The following SHANK2 variants were observed in gnomAD, a reference collection of about 807,000 sequenced individuals.
SHANK2 encodes SH3 and multiple ankyrin repeat domains protein 2.
SHANK2 carries 43 observed loss-of-function variants against 133.7 expected under a neutral mutation model. The ratio of observed to expected loss-of-function variants is 0.32; its 90% CI spans 0.25 to 0.41. The LOEUF (loss-of-function observed/expected upper bound fraction) is 0.41. Ranked by LOEUF, SHANK2 falls within the 10% of genes least tolerant of loss-of-function variation. SHANK2 has a pLI of 1.00. For synonymous variants in SHANK2, 1,017 were observed against 952.8 expected, an observed-to-expected ratio of 1.07 and a Z score of -1.24; for missense variants, 1,994 against 2,235.8, an observed-to-expected ratio of 0.89 and a Z score of 2.18.
chr11:70,853,484 C>T (rs546270737), intron 11 of SHANK2, among the ~76,000 whole-genome samples: 11 of 152,220 alleles, frequency 7.2e-5, no homozygotes, highest in African/African-American at 1.4e-4. Context: ...CAGCCTTAAG[C>T]GTCTTTCTCA....
At chr11:70,922,821 C>T (rs529615251) in intron 10 of SHANK2, among the ~76,000 whole-genome samples, 7 of 152,190 alleles carry the variant, frequency 4.6e-5, no homozygotes, top group South Asian at 2.1e-4. Flanking sequence ...AGTTTCTAAA[C>T]GTGTTACCAC....
At chr11:70,834,977 G>T (rs1318304836) in intron 11 of SHANK2, among the ~76,000 whole-genome samples, 2 of 152,174 alleles carry the variant, frequency 1.3e-5, no homozygotes, top group African/African-American at 4.8e-5. Flanking sequence ...TTAGGGCCAA[G>T]AACATGGCTA....
At chr11:70,490,542 C>T (rs2058872379) in intron 22 of SHANK2, among the ~76,000 whole-genome samples, 155 bp from the exon 23 acceptor site, 1 of 152,260 alleles carries the variant, frequency 6.6e-6, no homozygotes, top group Admixed American at 6.5e-5. Flanking sequence ...ATGAGAACCA[C>T]AGCATTGAGG....
chr11:70,674,762 C>G (rs887467917), intron 15 of SHANK2, among the ~76,000 whole-genome samples: 2 of 152,354 alleles, frequency 1.3e-5, no homozygotes, highest in East Asian at 3.9e-4. Flanking sequence ...ACTACTCACT[C>G]TGCTAGTTGT....
chr11:70,797,257 T>C (rs1257681827), intron 14 of SHANK2, among the ~76,000 whole-genome samples: 3 of 152,204 alleles, frequency 2.0e-5, no homozygotes, highest in Non-Finnish European at 4.4e-5. Flanking sequence ...GGTAACATTG[T>C]CATCGCCACA....
chr11:71,079,220 A>G (rs1158059701), intron 8 of SHANK2, among the ~76,000 whole-genome samples: 2 of 152,238 alleles, frequency 1.3e-5, no homozygotes. Context: ...CAAACCCAAC[A>G]AAATGACCGC....
intron 2 of SHANK2, among the ~76,000 whole-genome samples, chr11:71,150,556 A>G (rs1160803630): frequency 6.6e-6 from 1 of 151,978 alleles, no homozygotes; most frequent in Non-Finnish European, 1.5e-5. Context: ...TCAATAGTTT[A>G]ATCTTCTATT....
chr11:71,114,908 G>C (rs782457370), intron 4 of SHANK2, among the ~76,000 whole-genome samples: 1 of 152,096 alleles, frequency 6.6e-6, no homozygotes. Context: ...AGCATCTCTG[G>C]GGCAGGAGGG....
At chr11:71,079,983 G>A (rs1383836203) in intron 8 of SHANK2, among the ~76,000 whole-genome samples, 3 of 151,092 alleles carry the variant, frequency 2.0e-5, no homozygotes, top group Admixed American at 6.6e-5. Context: ...GAACGAACTC[G>A]CTTGACACAA....
intron 12 of SHANK2, among the ~76,000 whole-genome samples, chr11:70,810,223 T>C (rs1036037297): frequency 6.6e-6 from 1 of 152,202 alleles, no homozygotes; most frequent in Admixed American, 6.5e-5. Flanking sequence ...GGGGAGCTGA[T>C]GAACGCAACA....
intron 15 of SHANK2, among the ~76,000 whole-genome samples, chr11:70,678,532 CTTTTTTTTTTT>C (rs34446408): frequency 3.9e-5 from 3 of 77,040 alleles, no homozygotes; most frequent in African/African-American, 9.8e-5. Context: ...TAAGAACAGG[CTTTTTTTTTTT>C]TTTTTTTTTT....
In SHANK2 at chr11:70,739,735, G is replaced by C. The variant is rs1177085260; in HGVS notation, c.1778-40972C>G. Among the ~76,000 whole-genome samples, 1 of 152,236 alleles carries C rather than the reference G, an allele frequency of 6.6e-6. No individual in the cohort carries two copies. Among genetic ancestry groups the C allele is most frequent in the Non-Finnish European group, 1.5e-5 (1 of 68,046 alleles). ...TCCTCAGAATGTGACTGTATTTGGA[G>C]ATAAGGTCTTTAAAGAGGTGATTAA... On this transcript the variant is annotated intron_variant, in intron 14 of 25. Coordinates refer to ENST00000601538, the MANE Select transcript of SHANK2 (RefSeq NM_012309.5). The surrounding 1 kb of genome is among the most constrained non-coding windows in gnomAD (Gnocchi z 4.3).
intron 6 of SHANK2, among the ~76,000 whole-genome samples, chr11:71,107,918 C>T: frequency 6.6e-6 from 1 of 152,198 alleles, no homozygotes; most frequent in Non-Finnish European, 1.5e-5. Flanking sequence ...GACATCCAGC[C>T]TCCTTCTACT....
At chr11:70,561,087 C>T (rs2059904138) in intron 17 of SHANK2, among the ~76,000 whole-genome samples, 1 of 152,200 alleles carries the variant, frequency 6.6e-6, no homozygotes, top group Non-Finnish European at 1.5e-5. Flanking sequence ...CTGCAGGATT[C>T]TTCCTCTCTC....
chr11:70,910,848 A>G (rs1286323179), intron 10 of SHANK2, among the ~76,000 whole-genome samples: 2 of 152,000 alleles, frequency 1.3e-5, no homozygotes, highest in African/African-American at 4.8e-5. Flanking sequence ...GATGAAAATC[A>G]ATACACTGCC....
At chr11:71,137,642 TC>T (rs1360390031) in intron 3 of SHANK2, among the ~76,000 whole-genome samples, 2 of 152,082 alleles carry the variant, frequency 1.3e-5, no homozygotes, top group Non-Finnish European at 2.9e-5. Context: ...CGCCACCCAC[TC>T]CCTGGAAGGC....
chr11:71,103,062 T>C (rs1951742792), intron 6 of SHANK2, among the ~76,000 whole-genome samples: 1 of 152,126 alleles, frequency 6.6e-6, no homozygotes, highest in African/African-American at 2.4e-5. Flanking sequence ...ACTAATCCCA[T>C]TCACAAGGGC....
chr11:70,831,660 A>T (rs562698235), intron 11 of SHANK2, among the ~76,000 whole-genome samples: 9 of 151,890 alleles, frequency 5.9e-5, no homozygotes, highest in Non-Finnish European at 7.4e-5. Context: ...CTTCTTGCAT[A>T]AAAAAAAAGC....
chr11:70,486,391 T>A lies in SHANK2; in HGVS notation c.3902A>T (p.Asp1301Val). The A allele has an allele frequency of 6.2e-7, 1 of 1,613,988 alleles. No homozygotes were observed. Among genetic ancestry groups the A allele is most frequent in the Non-Finnish European group, 8.5e-7 (1 of 1,180,014 alleles). Reference sequence around the variant, plus strand: ...CTTCTGCTGGGACGTGTCCATGATGTCGATCAGCATGTTCTTCTTGTCATC... The same window carrying A: ...CTTCTGCTGGGACGTGTCCATGATGACGATCAGCATGTTCTTCTTGTCATC... The part of the protein sequence containing the change: ...KGDDKKNMLI[D>V]IMDTSQQKSA... Residue 1301 changes from aspartate to valine, a missense_variant, in exon 25 of 26, where the codon GAC becomes GTC. This residue lies in a region of SHANK2 where 797 missense variants were observed against 907.4 expected (regional missense o/e 0.88). Coordinates refer to ENST00000601538, the MANE Select transcript of SHANK2 (RefSeq NM_012309.5). The surrounding 1 kb of genome is among the most constrained non-coding windows in gnomAD (Gnocchi z 8.0).
Sources: gnomAD v4.1 joint callset for allele counts (sites outside exome capture counted in the v4.1 genomes callset) on GRCh38, gnomAD v4.1.1 for gene constraint, gnomAD v4.1.1 regional missense constraint, Gnocchi (gnomAD v3.1) non-coding constraint, MANE v1.5 for transcripts, NCBI Gene and HGNC (gene_info 2026-07-23, HGNC 2026-07-21) for gene names.